Variants in FRMPD4 observed in about 807,000 individuals in gnomAD.
FRMPD4 encodes FERM and PDZ domain-containing protein 4.
A neutral mutation model predicts 94.1 loss-of-function variants in FRMPD4; 22 were observed. That is an observed-to-expected ratio of 0.23 (90% confidence interval 0.17 to 0.33). FRMPD4 has a LOEUF of 0.33. Among genes scored for constraint, FRMPD4 ranks in the 10% least tolerant of loss-of-function variants. The pLI, the probability that FRMPD4 is intolerant of heterozygous loss-of-function variation, is 1.00. For synonymous variants in FRMPD4, 631 were observed against 548.6 expected (o/e 1.15, Z -2.10); for missense variants, 1,111 against 1,339.9 (o/e 0.83, Z 2.67).
At chrX:12,098,856 T>C (rs1275241323) in intron 3 of FRMPD4, among the ~76,000 whole-genome samples, 2 of 110,188 alleles carry the variant, frequency 1.8e-5, no homozygotes, top group African/African-American at 6.6e-5. Flanking sequence ...TTAGAATCAC[T>C]TGAAATGTTT....
intron 1 of FRMPD4, among the ~76,000 whole-genome samples, chrX:12,219,349 A>G (rs1182171027): frequency 9.0e-6 from 1 of 111,504 alleles, no homozygotes; most frequent in Non-Finnish European, 1.9e-5. Context: ...TGGGTGACAA[A>G]CTAAGACCCT....
chrX:12,369,138 T>A (rs368665056), intron 1 of FRMPD4, among the ~76,000 whole-genome samples: 47 of 110,829 alleles, frequency 4.2e-4, no homozygotes, highest in African/African-American at 1.5e-3. Flanking sequence ...ATCTGGGGAC[T>A]CTTTTCCCTT....
intron 1 of FRMPD4, among the ~76,000 whole-genome samples, chrX:12,362,288 T>A (rs1346805820): frequency 9.1e-6 from 1 of 110,233 alleles, no homozygotes; most frequent in Non-Finnish European, 1.9e-5. Context: ...ACGTGTGCCA[T>A]GTTGGTGTGC....
chrX:12,210,045 G>A (rs2056737295), intron 1 of FRMPD4, among the ~76,000 whole-genome samples: 1 of 111,676 alleles, frequency 9.0e-6, no homozygotes, highest in Non-Finnish European at 1.9e-5. Flanking sequence ...ACATTTGTGA[G>A]TAATTATTTG....
chrX:11,851,961 A>G (rs1043373662), intron 1 of FRMPD4, among the ~76,000 whole-genome samples: 3 of 109,954 alleles, frequency 2.7e-5, no homozygotes, highest in Non-Finnish European at 5.7e-5. Flanking sequence ...AAAAAAAAAA[A>G]AAAAAACCTC....
intron 2 of FRMPD4, among the ~76,000 whole-genome samples, chrX:11,870,938 G>A (rs1170806323): frequency 8.9e-6 from 1 of 112,108 alleles, no homozygotes; most frequent in Non-Finnish European, 1.9e-5. Context: ...CTTATATGAA[G>A]CTCATGCTCC....
At chrX:12,560,615 A>G (rs1448075472) in intron 2 of FRMPD4, among the ~76,000 whole-genome samples, 3 of 110,506 alleles carry the variant, frequency 2.7e-5, no homozygotes, top group Non-Finnish European at 3.8e-5. Flanking sequence ...AGTCCTTAAT[A>G]AATTATTGCT....
intron 1 of FRMPD4, among the ~76,000 whole-genome samples, chrX:12,446,125 G>A (rs973714202): frequency 1.8e-5 from 2 of 112,173 alleles, no homozygotes; most frequent in Non-Finnish European, 3.8e-5. Context: ...AAAAGGGAGA[G>A]GCTATCTAGA....
At chrX:12,688,543 T>C (rs2060050451) in intron 7 of FRMPD4, among the ~76,000 whole-genome samples, 1 of 111,538 alleles carries the variant, frequency 9.0e-6, no homozygotes, top group African/African-American at 3.3e-5. Context: ...AGTATAGTTA[T>C]GAAAGGAATA....
intron 1 of FRMPD4, among the ~76,000 whole-genome samples, chrX:12,404,923 T>C (rs2056650305): frequency 9.0e-6 from 1 of 111,236 alleles, no homozygotes; most frequent in African/African-American, 3.3e-5. Flanking sequence ...CAAATGAGTG[T>C]ACCTGTGTTC....
At chrX:12,450,908 C>T (rs1473434372) in intron 1 of FRMPD4, among the ~76,000 whole-genome samples, 2 of 91,517 alleles carry the variant, frequency 2.2e-5, no homozygotes, top group African/African-American at 7.8e-5. Flanking sequence ...GACTGAGAGA[C>T]ATAAACTAGA....
At chrX:12,481,855 T>C (rs1935511837) in intron 1 of FRMPD4, among the ~76,000 whole-genome samples, 2 of 98,121 alleles carry the variant, frequency 2.0e-5, no homozygotes, top group Admixed American at 2.4e-4. Context: ...GACAGCAGAA[T>C]TGGCGTGAAC....
chrX:12,005,324 C>A, intron 3 of FRMPD4, among the ~76,000 whole-genome samples: 1 of 108,270 alleles, frequency 9.2e-6, no homozygotes, highest in South Asian at 4.1e-4. Flanking sequence ...GATGATGATG[C>A]TGGTCTACAG....
At chrX:12,376,149 C>T (rs891499662) in intron 1 of FRMPD4, among the ~76,000 whole-genome samples, 1 of 112,046 alleles carries the variant, frequency 8.9e-6, no homozygotes, top group African/African-American at 3.2e-5. Flanking sequence ...ATGAATTGAT[C>T]CATCCTAAGC....
intron 3 of FRMPD4, among the ~76,000 whole-genome samples, chrX:11,900,431 G>T (rs1438143422): frequency 8.9e-6 from 1 of 111,791 alleles, no homozygotes; most frequent in Non-Finnish European, 1.9e-5. Context: ...GCATGGGTAG[G>T]GTTATCTGAC....
chrX:12,638,326 A>T (rs754492345), intron 4 of FRMPD4, among the ~76,000 whole-genome samples: 2 of 112,091 alleles, frequency 1.8e-5, no homozygotes, highest in South Asian at 7.6e-4. Flanking sequence ...GCAGTACTGC[A>T]CCTGGGCTCA....
chrX:12,061,575 A>C (rs1433898135), intron 3 of FRMPD4, among the ~76,000 whole-genome samples: 1 of 111,794 alleles, frequency 8.9e-6, no homozygotes, highest in Non-Finnish European at 1.9e-5. Context: ...GAGTCCTACA[A>C]TTTGGAGAAA....
intron 9 of FRMPD4, among the ~76,000 whole-genome samples, chrX:12,700,032 C>A (rs2060173481): frequency 9.0e-6 from 1 of 111,574 alleles, no homozygotes; most frequent in African/African-American, 3.3e-5. Flanking sequence ...CAGATAATTT[C>A]TTTATGGCCA....
At chrX:11,874,117 T>G (rs1434613872) in intron 2 of FRMPD4, among the ~76,000 whole-genome samples, 1 of 112,421 alleles carries the variant, frequency 8.9e-6, no homozygotes, top group Non-Finnish European at 1.9e-5. Flanking sequence ...ATACCTTTTT[T>G]TGTGTGTCAT....
Sources: gnomAD v4.1 joint callset for allele counts (sites outside exome capture counted in the v4.1 genomes callset) on GRCh38, gnomAD v4.1.1 for gene constraint, MANE v1.5 for transcripts, NCBI Gene and HGNC (gene_info 2026-07-23, HGNC 2026-07-21) for gene names.